The following AFF4 variants were observed in gnomAD, a reference collection of about 807,000 sequenced individuals.
AFF4 encodes AF4/FMR2 family member 4.
A neutral mutation model predicts 124.8 loss-of-function variants in AFF4; 13 were observed. The ratio of observed to expected loss-of-function variants is 0.10; its 90% CI spans 0.07 to 0.17. The LOEUF is 0.17. Among genes scored for constraint, AFF4 ranks in the 10% least tolerant of loss-of-function variants. AFF4 has a pLI of 1.00. For synonymous variants in AFF4, 477 were observed against 496.1 expected (o/e 0.96, Z 0.51); for missense variants, 1,092 against 1,403.8 (o/e 0.78, Z 3.55).
intron 5 of AFF4, among the ~76,000 whole-genome samples, chr5:132,916,369 C>T (rs955827417): frequency 1.1e-4 from 16 of 151,450 alleles, no homozygotes; most frequent in African/African-American, 3.4e-4. Flanking sequence ...TTGAGACCAG[C>T]GTGGGCAACA....
At chr5:132,946,093 A>T (rs1306626493) in intron 1 of AFF4, among the ~76,000 whole-genome samples, 3 of 140,170 alleles carry the variant, frequency 2.1e-5, no homozygotes, top group Non-Finnish European at 4.6e-5. Flanking sequence ...AGTAAAGTTT[A>T]GTGAAAGAAA....
At chr5:132,937,234 G>A (rs373459682) in intron 1 of AFF4, 41 bp from the exon 2 acceptor site, 14 of 1,551,704 alleles carry the variant, frequency 9.0e-6, no homozygotes, top group Admixed American at 1.9e-5. Flanking sequence ...AGAAATAAAA[G>A]GAAAAATTAA....
At chr5:132,936,917 A>C (rs1381222840) in intron 2 of AFF4, 150 bp downstream of exon 2, 2 of 1,076,570 alleles carry the variant, frequency 1.9e-6, no homozygotes, top group Non-Finnish European at 2.5e-6. Flanking sequence ...GTTTATCCCC[A>C]AAAAATATCT....
At position 132,896,358 on chromosome 5, in the gene AFF4, C is replaced by T. The variant is rs1223580856; in HGVS notation, c.2272G>A (p.Glu758Lys). The change falls in exon 11 of 21, where the codon GAA becomes AAA. Residue 758 changes from glutamate (E) to lysine (K), a missense_variant. Physicochemically the swap from Glu to Lys is moderately conservative, Grantham distance 56. This residue lies in a region of AFF4 where 293 missense variants were observed against 280.2 expected (regional missense o/e 1.05). Coordinates refer to ENST00000265343, the MANE Select transcript of AFF4 (RefSeq NM_014423.4). ...CTCTTGCCTTTGTTGGAAACTTTTT[C>T]TGAGGCTTGTTTCTGAGCCTCTCTC... ...HTREAQKQAS[E>K]KVSNKGKRKH... The T allele has an allele frequency of 6.3e-7, 1 of 1,598,058 alleles. No individual in the cohort carries two copies. The highest frequency in any genetic ancestry group is 8.5e-7 in the Non-Finnish European group (1 of 1,176,036).
intron 2 of AFF4, among the ~76,000 whole-genome samples, chr5:132,936,725 G>A (rs982408874): frequency 1.3e-5 from 2 of 152,182 alleles, no homozygotes; most frequent in Non-Finnish European, 2.9e-5. Context: ...AGCCAACTCA[G>A]ACCACATTTT....
At chr5:132,890,586 G>C (rs1345750615) in intron 13 of AFF4, among the ~76,000 whole-genome samples, 3 of 152,010 alleles carry the variant, frequency 2.0e-5, no homozygotes, top group Admixed American at 2.0e-4. Flanking sequence ...TTTTTCTTTA[G>C]TTGATAGAAT....
At chr5:132,936,063 C>T (rs1328974619) in intron 2 of AFF4, among the ~76,000 whole-genome samples, 1 of 151,520 alleles carries the variant, frequency 6.6e-6, no homozygotes, top group Non-Finnish European at 1.5e-5. Context: ...GTCAAGAGAT[C>T]GAGACCATCC....
intron 1 of AFF4, among the ~76,000 whole-genome samples, chr5:132,962,804 CTTTTT>C (rs35471619): frequency 1.5e-5 from 2 of 129,680 alleles, no homozygotes; most frequent in Non-Finnish European, 3.2e-5. Context: ...ATTTTTCCTT[CTTTTT>C]TTTTTTTTTT....
At chr5:132,956,997 G>A (rs1181841850) in intron 1 of AFF4, among the ~76,000 whole-genome samples, 2 of 128,356 alleles carry the variant, frequency 1.6e-5, no homozygotes, top group Admixed American at 1.9e-4. Context: ...TCCAGCCTGG[G>A]TGACAGTGTG....
At chr5:132,944,958 T>G (rs1561509004) in intron 1 of AFF4, 1 of 149,002 alleles carries the variant, frequency 6.7e-6, no homozygotes, top group Non-Finnish European at 1.5e-5. Context: ...AAAAAAATTT[T>G]TTTTAATTAA....
chr5:132,895,370 A>G (rs1056239322), intron 11 of AFF4, among the ~76,000 whole-genome samples: 5 of 152,342 alleles, frequency 3.3e-5, no homozygotes, highest in African/African-American at 9.6e-5. Context: ...GGTTTTATGA[A>G]AAGGAGAGAG....
At chr5:132,957,019 C>CAAAAAAAAAAAAAAA (rs1180577709) in intron 1 of AFF4, among the ~76,000 whole-genome samples, 1 of 40,790 alleles carries the variant, frequency 2.5e-5, no homozygotes, top group African/African-American at 8.0e-5. Flanking sequence ...GACTTCGTCT[C>CAAAAAAAAAAAAAAA]AAAAAAAAAA....
chr5:132,887,102 GGTAAA>G (rs761832142), intron 17 of AFF4, among the ~76,000 whole-genome samples: 31 of 152,250 alleles, frequency 2.0e-4, no homozygotes, highest in Non-Finnish European at 3.7e-4. Context: ...CACAGTGCCA[GGTAAA>G]GTAAAGACCT....
chr5:132,943,373 T>G (rs1393519372), intron 1 of AFF4: 1 of 199,092 alleles, frequency 5.0e-6, no homozygotes, highest in African/African-American at 2.3e-5. Flanking sequence ...TGTGGCCAAG[T>G]GCTAACATGC....
intron 2 of AFF4, among the ~76,000 whole-genome samples, chr5:132,935,408 C>T (rs1761401273): frequency 6.6e-6 from 1 of 152,182 alleles, no homozygotes. Flanking sequence ...GACAGATCAC[C>T]TGATGTCAGG....
chr5:132,906,584 T>C (rs1337634294), intron 5 of AFF4, among the ~76,000 whole-genome samples: 2 of 152,118 alleles, frequency 1.3e-5, no homozygotes, highest in African/African-American at 2.4e-5. Context: ...ATAGAGTAGA[T>C]TAGTGGTTGC....
chr5:132,880,968 G>A lies in AFF4; in HGVS notation c.*91C>T. 1.4e-6 allele frequency: 2 copies of A among 1,463,376 alleles called. No individual in the cohort carries two copies. Among genetic ancestry groups the A allele is most frequent in the Non-Finnish European group, 1.8e-6 (2 of 1,090,812 alleles). 90.6% of individuals were successfully genotyped at this position (1,463,376 alleles called of 1,614,324 possible). ...AGGAGAAAACTATTCCTCATTCTTA[G>A]TGTCGACTAGGTGGTATGTTATGGC... On this transcript the variant is annotated 3_prime_UTR_variant, in exon 21 of 21. Transcript: ENST00000265343.
chr5:132,903,180 C>T (rs974307327), intron 6 of AFF4, among the ~76,000 whole-genome samples: 4 of 152,170 alleles, frequency 2.6e-5, no homozygotes, highest in Non-Finnish European at 5.9e-5. Flanking sequence ...TGTAAATTCT[C>T]TGGCCTATAG....
intron 1 of AFF4, among the ~76,000 whole-genome samples, chr5:132,938,289 A>T (rs1761480175): frequency 6.6e-6 from 1 of 151,098 alleles, no homozygotes; most frequent in African/African-American, 2.4e-5. Context: ...TTTTTGAAAC[A>T]GAGTCTTGCT....
Sources: allele counts gnomAD v4.1 joint callset (sites outside exome capture counted in the v4.1 genomes callset), GRCh38; gene constraint gnomAD v4.1.1; regional missense constraint gnomAD v4.1.1; transcripts MANE v1.5; gene names NCBI Gene and HGNC (gene_info 2026-07-23, HGNC 2026-07-21).